Variants in CCDC167 observed in about 807,000 individuals in gnomAD.
CCDC167 encodes the protein coiled-coil domain containing 167.
In CCDC167, 15 loss-of-function variants were observed where a neutral mutation model predicts 12.7. The ratio of observed to expected loss-of-function variants is 1.18; its 90% CI spans 0.79 to 1.81. The LOEUF is 1.81. Ranked by LOEUF, CCDC167 falls within the 40% of genes most tolerant of loss-of-function variation. CCDC167 has a pLI of 0.00. For synonymous variants in CCDC167, 52 were observed against 49.0 expected (o/e 1.06, Z -0.26); for missense variants, 121 against 120.1 (o/e 1.01, Z -0.03).
Position 37,483,240 on chromosome 6 carries a change from G to C in CCDC167, c.240C>G (p.Leu80=). The change falls in exon 4 of 4, where the codon CTC becomes CTG. Residue 80 remains leucine, a synonymous_variant. Transcript: ENST00000373408. ...TCAGGAGGATAAAGATGGCCACAGA[G>C]AGCAGCATGTTCTTCCGGTTCTCTT... ...LRQENRKNML[L]SVAIFILLTL... 1.2e-6 allele frequency: 2 copies of C among 1,614,156 alleles called. No individual in the cohort carries two copies. Among genetic ancestry groups the C allele is most frequent in the Non-Finnish European group, 1.7e-6 (2 of 1,180,010 alleles).
At chr6:37,498,352 G>A (rs892052095) in intron 1 of CCDC167, among the ~76,000 whole-genome samples, 22 of 151,888 alleles carry the variant, frequency 1.4e-4, no homozygotes, top group African/African-American at 4.6e-4. Context: ...CCTAATGCAG[G>A]TTACAAAGTC....
chr6:37,494,794 C>G (rs1372244800), intron 1 of CCDC167, among the ~76,000 whole-genome samples: 2 of 125,788 alleles, frequency 1.6e-5, no homozygotes, highest in Non-Finnish European at 3.2e-5. Context: ...CCAGTAGCCA[C>G]CTACCTACAA....
In CCDC167 at chr6:37,482,970, G is replaced by A. The variant is rs1322158369; in HGVS notation, c.*216C>T. On this transcript the variant is annotated 3_prime_UTR_variant, in exon 4 of 4. Coordinates refer to ENST00000373408, the MANE Select transcript of CCDC167 (RefSeq NM_138493.3). The stretch of plus-strand genomic sequence containing the variant: ...TGTGTTCTTTATTGCCTCTCCCTTG[G>A]GCTAAGGGAGGGACCAGCACCATGT... The A allele has an allele frequency of 3.2e-6, 2 of 618,522 alleles. No homozygotes were observed. The highest frequency in any genetic ancestry group is 1.8e-5 in the African/African-American group (1 of 54,648). 38.3% of individuals were successfully genotyped at this position (618,522 alleles called of 1,614,324 possible).
intron 1 of CCDC167, among the ~76,000 whole-genome samples, chr6:37,490,002 C>T (rs1254234522): frequency 6.6e-6 from 1 of 152,248 alleles, no homozygotes; most frequent in African/African-American, 2.4e-5. Flanking sequence ...TATTTACACT[C>T]AGAAAACCAA....
intron 1 of CCDC167, among the ~76,000 whole-genome samples, chr6:37,496,866 G>C (rs79202141): frequency 0.013 from 1,967 of 152,332 alleles, 17 homozygotes; most frequent in Non-Finnish European, 0.021. Context: ...AGTCAGGTGG[G>C]GTTTTAGTTC....
In CCDC167 at chr6:37,485,004, A is replaced by C. The variant is rs532291208; in HGVS notation, c.137+96T>G. Reference sequence around the variant, plus strand: ...CTGAAGCTAAGATGTCAGGGACCCAAACCCTCTGCCTCAGGCCTACTTTGG... The same window carrying C: ...CTGAAGCTAAGATGTCAGGGACCCACACCCTCTGCCTCAGGCCTACTTTGG... On this transcript the variant is annotated intron_variant, in intron 2 of 3. Transcript: ENST00000373408. 1.2e-5 allele frequency: 18 copies of C among 1,452,374 alleles called. No individual in the cohort carries two copies. In the African/African-American group the frequency reaches 2.4e-4, roughly 19 times the overall value. 90.0% of individuals were successfully genotyped at this position (1,452,374 alleles called of 1,614,324 possible).
rs145042810 is a variant in CCDC167, at chr6:37,493,631, C to T, written c.42+6191G>A. On this transcript the variant is annotated intron_variant, in intron 1 of 3. Coordinates refer to ENST00000373408, the MANE Select transcript of CCDC167 (RefSeq NM_138493.3). Reference sequence around the variant, plus strand: ...AATGGTCAGCGGCCCCTGAACAGTCCTCTGCGTGCTGCGAGCCTTTCTCCC... The same window carrying T: ...AATGGTCAGCGGCCCCTGAACAGTCTTCTGCGTGCTGCGAGCCTTTCTCCC... Among the ~76,000 whole-genome samples the T allele has an allele frequency of 1.6e-4, 25 of 152,366 alleles. No individual in the cohort carries two copies. The East Asian group carries it at 4.6e-3, about 28-fold the overall frequency.
intron 1 of CCDC167, among the ~76,000 whole-genome samples, chr6:37,496,210 G>T (rs571107290): frequency 2.6e-5 from 4 of 152,196 alleles, no homozygotes; most frequent in African/African-American, 9.6e-5. Flanking sequence ...GAGGCGGGCG[G>T]ATCACTTGAG....
intron 1 of CCDC167, among the ~76,000 whole-genome samples, chr6:37,486,941 A>G (rs1581763399): frequency 1.3e-5 from 2 of 151,726 alleles, no homozygotes; most frequent in East Asian, 3.9e-4. Context: ...AGCACAAATA[A>G]AGCTTAATTC....
At chr6:37,495,173 T>C (rs62408369) in intron 1 of CCDC167, among the ~76,000 whole-genome samples, 98 of 152,330 alleles carry the variant, frequency 6.4e-4, no homozygotes, top group Non-Finnish European at 1.2e-3. Context: ...CTATAACTTG[T>C]AGCCAAAAGC....
At chr6:37,493,287 C>T (rs1278955768) in intron 1 of CCDC167, among the ~76,000 whole-genome samples, 2 of 152,184 alleles carry the variant, frequency 1.3e-5, no homozygotes, top group African/African-American at 4.8e-5. Flanking sequence ...GTCCCTGGGC[C>T]GGAAGGTGGT....
intron 1 of CCDC167, among the ~76,000 whole-genome samples, chr6:37,496,004 G>A (rs572819870): frequency 1.3e-5 from 2 of 152,248 alleles, no homozygotes; most frequent in East Asian, 1.9e-4. Context: ...TCAAATCTTC[G>A]AATATCCAAG....
chr6:37,495,387 C>T (rs985769326), intron 1 of CCDC167, among the ~76,000 whole-genome samples: 2 of 152,312 alleles, frequency 1.3e-5, no homozygotes, highest in South Asian at 2.1e-4. Flanking sequence ...GATCCGAAAA[C>T]ACAAACAGGT....
chr6:37,485,036 C>T (rs1761924371), intron 2 of CCDC167, 64 bp downstream of exon 2: 2 of 1,504,422 alleles, frequency 1.3e-6, no homozygotes, highest in East Asian at 4.5e-5. Context: ...TTGGGGGACC[C>T]AGGATAGATA....
At chr6:37,495,738 A>G (rs1422783922) in intron 1 of CCDC167, among the ~76,000 whole-genome samples, 10 of 152,222 alleles carry the variant, frequency 6.6e-5, no homozygotes, top group Admixed American at 2.6e-4. Flanking sequence ...CTTCATTACA[A>G]GTGGAGACTG....
intron 1 of CCDC167, among the ~76,000 whole-genome samples, chr6:37,489,222 C>T (rs1357777427): frequency 5.4e-5 from 8 of 147,250 alleles, no homozygotes; most frequent in Non-Finnish European, 5.9e-5. Context: ...GGTGACAGAG[C>T]GAGACTCTAT....
chr6:37,484,331 G>A (rs977819447), intron 3 of CCDC167, among the ~76,000 whole-genome samples: 17 of 152,234 alleles, frequency 1.1e-4, no homozygotes, highest in African/African-American at 3.6e-4. Context: ...GCGCCCCGCC[G>A]GGCCTGGCCT....
intron 1 of CCDC167, among the ~76,000 whole-genome samples, chr6:37,498,748 C>T (rs1286195666): frequency 3.3e-5 from 5 of 152,018 alleles, no homozygotes; most frequent in African/African-American, 1.2e-4. Flanking sequence ...TCGCTTGAAC[C>T]CAGAAGGCAG....
intron 1 of CCDC167, among the ~76,000 whole-genome samples, chr6:37,496,250 T>A (rs1038110633): frequency 9.9e-5 from 15 of 151,876 alleles, no homozygotes; most frequent in Non-Finnish European, 1.9e-4. Context: ...CTGGCCAACA[T>A]GGTGAAACCC....
Sources: gnomAD v4.1 joint callset for allele counts (sites outside exome capture counted in the v4.1 genomes callset) on GRCh38, gnomAD v4.1.1 for gene constraint, MANE v1.5 for transcripts, NCBI Gene and HGNC (gene_info 2026-07-23, HGNC 2026-07-21) for gene names.